Variants in TBL1XR1 observed in about 807,000 individuals in gnomAD.
The protein encoded by TBL1XR1 is TBL1X/Y related 1.
A neutral mutation model predicts 66.9 loss-of-function variants in TBL1XR1; 5 were observed. The observed-to-expected ratio is 0.07, with a 90% CI of 0.04 to 0.16. The LOEUF (loss-of-function observed/expected upper bound fraction) is 0.16. Among genes scored for constraint, TBL1XR1 ranks in the 10% least tolerant of loss-of-function variants. The pLI, the probability that TBL1XR1 is intolerant of heterozygous loss-of-function variation, is 1.00. For synonymous variants in TBL1XR1, 210 were observed against 206.0 expected (o/e 1.02, Z -0.17); for missense variants, 238 against 623.2 (o/e 0.38, Z 6.58).
At chr3:177,101,756 G>A (rs774887077) in intron 1 of TBL1XR1, among the ~76,000 whole-genome samples, 51 of 152,116 alleles carry the variant, frequency 3.4e-4, no homozygotes, top group Non-Finnish European at 5.7e-4. Flanking sequence ...ACAGAAAATG[G>A]ACTAAGACAA....
At chr3:177,132,206 T>C (rs1367877820) in intron 1 of TBL1XR1, among the ~76,000 whole-genome samples, 1 of 152,206 alleles carries the variant, frequency 6.6e-6, no homozygotes, top group East Asian at 1.9e-4. Flanking sequence ...AGCAAAAATA[T>C]GCCTATGTGG....
At position 177,131,528 on chromosome 3, in the gene TBL1XR1, T is replaced by C. The variant is rs1728292674; in HGVS notation, c.-121-32987A>G. ...TGAATATCTTTTTTTTTTTTTTTTTTGAGACAGAGTCTCACTCCGTTGCCC... is the reference window on the plus strand; with the variant it reads ...TGAATATCTTTTTTTTTTTTTTTTTCGAGACAGAGTCTCACTCCGTTGCCC... On this transcript the variant is annotated intron_variant, in intron 1 of 15. Transcript: ENST00000457928. 14 of 238,630 alleles carry C rather than the reference T, an allele frequency of 5.9e-5. No individual in the cohort carries two copies. In the South Asian group the frequency reaches 2.2e-3, roughly 38 times the overall value. The allele number at this position is 238,630 out of a possible 1,614,324, so 14.8% of individuals were successfully genotyped here.
At chr3:177,134,691 A>G (rs1015651623) in intron 1 of TBL1XR1, among the ~76,000 whole-genome samples, 1 of 152,116 alleles carries the variant, frequency 6.6e-6, no homozygotes, top group African/African-American at 2.4e-5. Context: ...TACGGAATAC[A>G]TCTGTAATTT....
intron 1 of TBL1XR1, among the ~76,000 whole-genome samples, chr3:177,189,864 T>C (rs951490353): frequency 9.9e-5 from 15 of 151,970 alleles, no homozygotes; most frequent in African/African-American, 3.6e-4. Context: ...ATGGCTCAAA[T>C]GAAACTCCAG....
chr3:177,120,811 G>C (rs551899429), intron 1 of TBL1XR1: 2 of 152,296 alleles, frequency 1.3e-5, no homozygotes, highest in Admixed American at 1.3e-4. Context: ...CAAATTTACA[G>C]TATTTTAATC....
chr3:177,176,628 C>T (rs1002004482), intron 1 of TBL1XR1, among the ~76,000 whole-genome samples: 1 of 151,748 alleles, frequency 6.6e-6, no homozygotes, highest in African/African-American at 2.4e-5. Context: ...GCCCGGCCAA[C>T]ATGGAGAAAC....
chr3:177,056,429 G>C (rs538837530), intron 3 of TBL1XR1, among the ~76,000 whole-genome samples: 2 of 152,228 alleles, frequency 1.3e-5, no homozygotes, highest in African/African-American at 4.8e-5. Flanking sequence ...AACTATCACA[G>C]GTGCTTACAT....
chr3:177,105,995 AAATT>A (rs1329407835), intron 1 of TBL1XR1, among the ~76,000 whole-genome samples: 1 of 152,198 alleles, frequency 6.6e-6, no homozygotes, highest in Non-Finnish European at 1.5e-5. Context: ...ACATCGGACT[AAATT>A]AAGTGGTTTA....
upstream of TBL1XR1, among the ~76,000 whole-genome samples, chr3:177,198,130 G>C (rs535433165): frequency 6.6e-6 from 1 of 152,266 alleles, no homozygotes; most frequent in South Asian, 2.1e-4. Flanking sequence ...AAATACATAT[G>C]GTTCTCCGAA....
At chr3:177,143,877 A>G (rs1261585789) in intron 1 of TBL1XR1, among the ~76,000 whole-genome samples, 1 of 152,230 alleles carries the variant, frequency 6.6e-6, no homozygotes, top group Non-Finnish European at 1.5e-5. Flanking sequence ...AGACTGGTAG[A>G]AATCTATGAA....
intron 2 of TBL1XR1, among the ~76,000 whole-genome samples, chr3:177,066,387 G>A (rs1337300986): frequency 1.3e-5 from 2 of 152,094 alleles, no homozygotes; most frequent in Non-Finnish European, 2.9e-5. Flanking sequence ...TTGGTATTCA[G>A]ACTAAAGGAG....
intron 1 of TBL1XR1, among the ~76,000 whole-genome samples, chr3:177,137,812 A>G (rs1729172413): frequency 6.6e-6 from 1 of 151,840 alleles, no homozygotes; most frequent in Non-Finnish European, 1.5e-5. Context: ...TCTACAGAAA[A>G]AAATAAAAAT....
At chr3:177,041,037 A>T (rs976773504) in intron 10 of TBL1XR1, 1 of 152,240 alleles carries the variant, frequency 6.6e-6, no homozygotes, top group African/African-American at 2.4e-5. Flanking sequence ...AATTATGAGA[A>T]TTCCCAACAA....
chr3:177,058,197 T>C (rs939344746), intron 3 of TBL1XR1, among the ~76,000 whole-genome samples: 2 of 152,178 alleles, frequency 1.3e-5, no homozygotes, highest in Non-Finnish European at 2.9e-5. Context: ...GAAAATCTGA[T>C]TGATCCAAGG....
At chr3:177,160,978 A>G (rs1732135258) in intron 1 of TBL1XR1, 1 of 151,416 alleles carries the variant, frequency 6.6e-6, no homozygotes. Context: ...CCTGGGTGAC[A>G]GAGTGAAACT....
chr3:177,148,578 G>A (rs1730513216), intron 1 of TBL1XR1, among the ~76,000 whole-genome samples: 1 of 152,032 alleles, frequency 6.6e-6, no homozygotes, highest in Non-Finnish European at 1.5e-5. Flanking sequence ...AGCCGAGCAT[G>A]GTGCCGCATG....
chr3:177,096,911 C>T (rs1015696637), intron 2 of TBL1XR1, among the ~76,000 whole-genome samples: 1 of 151,540 alleles, frequency 6.6e-6, no homozygotes, highest in Admixed American at 6.6e-5. Context: ...CCTATCAACC[C>T]GAGAGAGAAA....
chr3:177,145,944 A>G (rs1029341320), intron 1 of TBL1XR1, among the ~76,000 whole-genome samples: 1 of 152,252 alleles, frequency 6.6e-6, no homozygotes, highest in Non-Finnish European at 1.5e-5. Flanking sequence ...CTCTCCCTCC[A>G]AACAAAAGTA....
Position 177,021,724 on chromosome 3 carries a change from C to T in TBL1XR1, c.*3774G>A, listed in dbSNP as rs955819148. 6.6e-6 allele frequency: 1 copy of T among 152,568 alleles called. No individual in the cohort carries two copies. The highest frequency in any genetic ancestry group is 2.4e-5 in the African/African-American group (1 of 41,448). 9.5% of individuals were successfully genotyped at this position (152,568 alleles called of 1,614,324 possible). ...GGTCTCTTGTAGATTTGCTGCTATTCCACAAAATGTTGGCATTTGCTGCCA... is the reference window on the plus strand; with the variant it reads ...GGTCTCTTGTAGATTTGCTGCTATTTCACAAAATGTTGGCATTTGCTGCCA... On this transcript the variant is annotated 3_prime_UTR_variant, in exon 16 of 16. Coordinates refer to ENST00000457928, the MANE Select transcript of TBL1XR1 (RefSeq NM_024665.7).
Sources: gnomAD v4.1 joint callset for allele counts (sites outside exome capture counted in the v4.1 genomes callset) on GRCh38, gnomAD v4.1.1 for gene constraint, MANE v1.5 for transcripts, NCBI Gene and HGNC (gene_info 2026-07-23, HGNC 2026-07-21) for gene names.